GMDS: variants seen among roughly 807,000 people sequenced by gnomAD.
The protein encoded by GMDS is GDP-mannose 4,6 dehydratase.
Under a neutral mutation model 49.9 loss-of-function variants are expected in GMDS, and 20 were observed. That is an observed-to-expected ratio of 0.40 (90% CI 0.28 to 0.58). The LOEUF (loss-of-function observed/expected upper bound fraction) is 0.58. GMDS is among the 20% of genes least tolerant of loss of function. GMDS has a pLI of 0.42. For missense variants in GMDS, 362 were observed against 481.4 expected (o/e 0.75, Z 2.32); for synonymous variants, 177 against 178.6 (o/e 0.99, Z 0.07).
At chr6:1,969,539 A>G (rs959807899) in intron 4 of GMDS, among the ~76,000 whole-genome samples, 2 of 152,116 alleles carry the variant, frequency 1.3e-5, no homozygotes, top group Non-Finnish European at 2.9e-5. Flanking sequence ...TAGGAATGTG[A>G]AGACAGGCAA....
At chr6:1,717,859 T>C (rs1766228175) in intron 9 of GMDS, among the ~76,000 whole-genome samples, 1 of 152,162 alleles carries the variant, frequency 6.6e-6, no homozygotes, top group Non-Finnish European at 1.5e-5. Flanking sequence ...TGAAAATGCT[T>C]TGCAACCTGA....
chr6:1,932,377 A>G (rs1452413904), intron 6 of GMDS, among the ~76,000 whole-genome samples: 1 of 152,084 alleles, frequency 6.6e-6, no homozygotes, highest in Non-Finnish European at 1.5e-5. Context: ...AAGCTATATA[A>G]ATTAACTATT....
chr6:2,244,775 T>A (rs1385645068), intron 1 of GMDS, among the ~76,000 whole-genome samples: 1 of 152,208 alleles, frequency 6.6e-6, no homozygotes, highest in Non-Finnish European at 1.5e-5. Context: ...CCTAAACATG[T>A]CCTAGTAGGT....
intron 4 of GMDS, among the ~76,000 whole-genome samples, chr6:2,018,806 G>A (rs1768063803): frequency 6.6e-6 from 1 of 152,046 alleles, no homozygotes; most frequent in African/African-American, 2.4e-5. Context: ...TTCATGTACA[G>A]GTTTTTCTAT....
At chr6:1,663,423 G>C (rs1764144568) in intron 9 of GMDS, among the ~76,000 whole-genome samples, 1 of 152,198 alleles carries the variant, frequency 6.6e-6, no homozygotes, top group African/African-American at 2.4e-5. Context: ...TTCCCTAGAA[G>C]AGATTTTAGC....
chr6:2,147,357 C>CA (rs1481464058), intron 1 of GMDS, among the ~76,000 whole-genome samples: 1 of 152,132 alleles, frequency 6.6e-6, no homozygotes, highest in African/African-American at 2.4e-5. Flanking sequence ...AGCTTGCCCC[C>CA]ACTCACATAC....
chr6:1,630,842 C>T (rs184536307), intron 9 of GMDS, among the ~76,000 whole-genome samples: 4 of 152,024 alleles, frequency 2.6e-5, no homozygotes, highest in East Asian at 1.9e-4. Flanking sequence ...CTCTTGGTTC[C>T]GGTTAGTTCA....
At chr6:1,838,233 A>G (rs1757010894) in intron 7 of GMDS, among the ~76,000 whole-genome samples, 1 of 152,362 alleles carries the variant, frequency 6.6e-6, no homozygotes, top group South Asian at 2.1e-4. Context: ...ACATATTAAA[A>G]AATTTCCCTT....
At chr6:2,058,204 A>T (rs1251381257) in intron 4 of GMDS, among the ~76,000 whole-genome samples, 1 of 152,106 alleles carries the variant, frequency 6.6e-6, no homozygotes, top group Non-Finnish European at 1.5e-5. Flanking sequence ...CTAAAAATAC[A>T]AAAATCAGCC....
intron 9 of GMDS, among the ~76,000 whole-genome samples, chr6:1,671,190 GCAACCTGTGACCTACAAA>G (rs1764409214): frequency 6.6e-6 from 1 of 152,280 alleles, no homozygotes; most frequent in East Asian, 1.9e-4. Flanking sequence ...AGCTTTCTCG[GCAACCTGTGACCTACAAA>G]GACGCCTGCC....
intron 7 of GMDS, among the ~76,000 whole-genome samples, chr6:1,813,027 G>C (rs1481730201): frequency 6.6e-6 from 1 of 151,986 alleles, no homozygotes; most frequent in South Asian, 2.1e-4. Flanking sequence ...AGACCAGCTG[G>C]GCTAACACAG....
intron 7 of GMDS, among the ~76,000 whole-genome samples, chr6:1,817,010 T>A (rs1770697988): frequency 6.7e-6 from 1 of 150,232 alleles, no homozygotes; most frequent in Non-Finnish European, 1.5e-5. Flanking sequence ...TCTAAAAAAA[T>A]TTGTCATTAG....
intron 9 of GMDS, among the ~76,000 whole-genome samples, chr6:1,629,904 G>A (rs999643089): frequency 2.0e-5 from 3 of 152,162 alleles, no homozygotes; most frequent in Non-Finnish European, 4.4e-5. Context: ...ACAAAGTCCG[G>A]CTAGTACAGT....
intron 7 of GMDS, among the ~76,000 whole-genome samples, chr6:1,781,071 A>C (rs760487825): frequency 1.1e-4 from 16 of 152,150 alleles, no homozygotes; most frequent in Non-Finnish European, 2.2e-4. Context: ...GCTCGCCTTA[A>C]GTGGGAAAAC....
chr6:1,700,556 GGA>G (rs1402839178), intron 9 of GMDS, among the ~76,000 whole-genome samples: 1 of 152,202 alleles, frequency 6.6e-6, no homozygotes, highest in Non-Finnish European at 1.5e-5. Flanking sequence ...AGCAGAGTCA[GGA>G]GCTGCACGGC....
At chr6:1,783,791 C>G (rs1032219031) in intron 7 of GMDS, among the ~76,000 whole-genome samples, 2 of 152,172 alleles carry the variant, frequency 1.3e-5, no homozygotes, top group East Asian at 3.9e-4. Flanking sequence ...GAAGCTTGCT[C>G]ATTCACATTA....
At chr6:1,735,408 A>G (rs746467003) in intron 8 of GMDS, among the ~76,000 whole-genome samples, 2 of 152,216 alleles carry the variant, frequency 1.3e-5, no homozygotes, top group Non-Finnish European at 2.9e-5. Flanking sequence ...GATGGCAGAG[A>G]GCCAGGGTGC....
chr6:2,047,506 G>C (rs1770092488), intron 4 of GMDS, among the ~76,000 whole-genome samples: 1 of 151,922 alleles, frequency 6.6e-6, no homozygotes, highest in African/African-American at 2.4e-5. Context: ...TTTTTTTTGA[G>C]ACGGAGTTTC....
At chr6:1,952,514 A>T (rs1173945283) in intron 6 of GMDS, among the ~76,000 whole-genome samples, 1 of 152,026 alleles carries the variant, frequency 6.6e-6, no homozygotes, top group Non-Finnish European at 1.5e-5. Flanking sequence ...GAGATGATTA[A>T]AAAAAGTTCT....
Sources: allele counts gnomAD v4.1 joint callset (sites outside exome capture counted in the v4.1 genomes callset), GRCh38; gene constraint gnomAD v4.1.1; transcripts MANE v1.5; gene names NCBI Gene and HGNC (gene_info 2026-07-23, HGNC 2026-07-21).